Variants in EGFLAM observed in about 807,000 individuals in gnomAD.
EGFLAM encodes the protein pikachurin.
EGFLAM carries 79 observed loss-of-function variants against 113.1 expected under a neutral mutation model. The observed-to-expected ratio is 0.70, with a 90% confidence interval of 0.58 to 0.84. The LOEUF (loss-of-function observed/expected upper bound fraction) is 0.84, where lower values mean the gene tolerates loss of function less well. Among genes scored for constraint, EGFLAM ranks in the 40% least tolerant of loss-of-function variants. EGFLAM has a pLI of 0.00. For missense variants in EGFLAM, 1,265 were observed against 1,291.6 expected (o/e 0.98, Z 0.32); for synonymous variants, 504 against 487.6 (o/e 1.03, Z -0.44).
chr5:38,457,508 C>T (rs926180602), intron 19 of EGFLAM, among the ~76,000 whole-genome samples: 9 of 152,206 alleles, frequency 5.9e-5, no homozygotes, highest in African/African-American at 2.2e-4. Flanking sequence ...ATGGCTTTCC[C>T]TGTCTCTGTG....
rs1742175748 is a variant in EGFLAM at position 38,431,197 on chromosome 5, T to C, written c.2075T>C (p.Leu692Pro). The change falls in exon 15 of 22, where the codon CTG becomes CCG. Residue 692 changes from leucine (L) to proline (P), a missense_variant. Leu to Pro is a moderately conservative substitution (Grantham distance 98). Coordinates refer to ENST00000322350, the MANE Select transcript of EGFLAM (RefSeq NM_152403.4). ...GVLRSEDPLT[L>P]GNWHELRVSR... ...CACAGGAGTGAAGATCCCCTCACCCTGGGCAACTGGCACGAGCTTCGTGTA... is the reference window on the plus strand; with the variant it reads ...CACAGGAGTGAAGATCCCCTCACCCCGGGCAACTGGCACGAGCTTCGTGTA... 21 of 1,614,168 alleles carry C rather than the reference T, an allele frequency of 1.3e-5. No individual in the cohort carries two copies. The highest frequency in any genetic ancestry group is 1.7e-5 in the Non-Finnish European group (20 of 1,180,006).
At chr5:38,313,794 A>C (rs980392766) in intron 1 of EGFLAM, among the ~76,000 whole-genome samples, 3 of 152,138 alleles carry the variant, frequency 2.0e-5, no homozygotes, top group Admixed American at 2.0e-4. Context: ...TGTGTTTTTA[A>C]ATTTTACCTT....
At chr5:38,397,269 A>G (rs918647093) in intron 6 of EGFLAM, among the ~76,000 whole-genome samples, 5 of 152,136 alleles carry the variant, frequency 3.3e-5, no homozygotes, top group Non-Finnish European at 7.3e-5. Context: ...GACTGGTTCC[A>G]GCAGATTATT....
rs536020146 is a variant in EGFLAM, at chr5:38,357,243, G to A, written c.545+4912G>A. Among the ~76,000 whole-genome samples the A allele has an allele frequency of 6.8e-4, 104 of 152,274 alleles. No individual in the cohort carries two copies. The Middle Eastern group carries it at 0.017, about 25-fold the overall frequency. ...TACACTCTAGCCTGGGCATCACAGTGAGACCCTGTCTCATAAAGAAAAGAA... is the reference window on the plus strand; with the variant it reads ...TACACTCTAGCCTGGGCATCACAGTAAGACCCTGTCTCATAAAGAAAAGAA... On this transcript the variant is annotated intron_variant, in intron 5 of 21. Coordinates refer to ENST00000322350, the MANE Select transcript of EGFLAM (RefSeq NM_152403.4).
Position 38,384,535 on chromosome 5 carries a change from T to C in EGFLAM, c.712+14073T>C, listed in dbSNP as rs186471089. ...CTTATATAAGCCAGAAGTACTGGGA[T>C]GCCTTTGCCTTTCTTAGTGTCTCAG... On this transcript the variant is annotated intron_variant, in intron 6 of 21. Transcript: ENST00000322350. Among the ~76,000 whole-genome samples, 236 of 152,320 alleles carry C rather than the reference T, an allele frequency of 1.5e-3. 1 individual carries two copies. The highest frequency in any genetic ancestry group is 4.1e-3 in the South Asian group (20 of 4,822).
chr5:38,328,102 T>A (rs1269271052), intron 1 of EGFLAM, among the ~76,000 whole-genome samples: 1 of 152,204 alleles, frequency 6.6e-6, no homozygotes, highest in East Asian at 1.9e-4. Flanking sequence ...GAAGTTTAAT[T>A]GGCTCATGGT....
chr5:38,263,966 A>T (rs573144904), intron 1 of EGFLAM, among the ~76,000 whole-genome samples: 5 of 151,688 alleles, frequency 3.3e-5, no homozygotes, highest in Admixed American at 2.6e-4. Context: ...TGCCATTAAG[A>T]CCTCCTCATT....
intron 1 of EGFLAM, among the ~76,000 whole-genome samples, chr5:38,307,668 C>T (rs1263794875): frequency 6.9e-6 from 1 of 145,430 alleles, no homozygotes; most frequent in Non-Finnish European, 1.6e-5. Context: ...CTTTGTCACA[C>T]AGCTCTGAAA....
intron 1 of EGFLAM, among the ~76,000 whole-genome samples, chr5:38,335,667 G>T (rs1435179057): frequency 6.6e-6 from 1 of 152,168 alleles, no homozygotes; most frequent in African/African-American, 2.4e-5. Flanking sequence ...TTAAATCTCT[G>T]AGTGGTGACA....
intron 17 of EGFLAM, among the ~76,000 whole-genome samples, chr5:38,444,860 G>C (rs1453560969): frequency 1.3e-5 from 2 of 152,152 alleles, no homozygotes; most frequent in African/African-American, 2.4e-5. Flanking sequence ...CAGGAGAATC[G>C]CTAGAACCCT....
intron 1 of EGFLAM, among the ~76,000 whole-genome samples, chr5:38,283,022 T>C (rs1758057710): frequency 6.6e-6 from 1 of 152,126 alleles, no homozygotes. Flanking sequence ...AGGCTAATTG[T>C]TTTTGAATTT....
intron 19 of EGFLAM, among the ~76,000 whole-genome samples, chr5:38,451,907 G>T (rs767918481): frequency 6.7e-6 from 1 of 149,366 alleles, no homozygotes; most frequent in Non-Finnish European, 1.5e-5. Context: ...CAGGAAAATG[G>T]CTTGAACCCA....
intron 1 of EGFLAM, among the ~76,000 whole-genome samples, chr5:38,307,243 CTGGTATCT>C (rs780959667): frequency 3.7e-4 from 56 of 152,142 alleles, no homozygotes; most frequent in Non-Finnish European, 6.3e-4. Flanking sequence ...TCTGTTGCAC[CTGGTATCT>C]TGATATGGTT....
chr5:38,300,799 G>C (rs1222893606), intron 1 of EGFLAM, among the ~76,000 whole-genome samples: 1 of 152,206 alleles, frequency 6.6e-6, no homozygotes, highest in African/African-American at 2.4e-5. Flanking sequence ...GTTCAGGGTT[G>C]TAGCAAGCAG....
At chr5:38,428,137 C>G (rs1742077459) in intron 14 of EGFLAM, among the ~76,000 whole-genome samples, 1 of 152,146 alleles carries the variant, frequency 6.6e-6, no homozygotes, top group Admixed American at 6.5e-5. Flanking sequence ...ATGTTTTGCT[C>G]CATGGTGCCC....
intron 1 of EGFLAM, among the ~76,000 whole-genome samples, chr5:38,280,023 TA>T (rs1269622065): frequency 6.6e-6 from 1 of 152,034 alleles, no homozygotes; most frequent in African/African-American, 2.4e-5. Flanking sequence ...TTAAAGAAGC[TA>T]AAAAAACAAG....
rs1012464082 is a variant in EGFLAM, at chr5:38,362,836, A to G, written c.546-7460A>G. ...AAGAAGTCCGACCTGTAGTTCGGCA[A>G]ATTGATCCCGTAAAGCTTCAATTCC... On this transcript the variant is annotated intron_variant, in intron 5 of 21. Transcript: ENST00000322350. Among the ~76,000 whole-genome samples the G allele has an allele frequency of 3.9e-5, 6 of 152,352 alleles. No homozygotes were observed. In the South Asian group the frequency reaches 1.0e-3, roughly 26 times the overall value.
intron 3 of EGFLAM, among the ~76,000 whole-genome samples, chr5:38,347,980 A>G (rs1162979454): frequency 6.6e-6 from 1 of 151,950 alleles, no homozygotes. Context: ...TAGGTAACTG[A>G]TGAGATGGTG....
chr5:38,400,640 T>C (rs1397867234), intron 6 of EGFLAM, among the ~76,000 whole-genome samples: 1 of 152,176 alleles, frequency 6.6e-6, no homozygotes, highest in South Asian at 2.1e-4. Context: ...CCAGGTTTCT[T>C]CCATCATGCT....
Sources: gnomAD v4.1 joint callset for allele counts (sites outside exome capture counted in the v4.1 genomes callset) on GRCh38, gnomAD v4.1.1 for gene constraint, MANE v1.5 for transcripts, NCBI Gene and HGNC (gene_info 2026-07-23, HGNC 2026-07-21) for gene names.